Variants in ASPRV1 observed in about 807,000 individuals in gnomAD.
ASPRV1 encodes the protein aspartic peptidase retroviral like 1.
ASPRV1 carries 7 observed loss-of-function variants against 11.0 expected under a neutral mutation model. The ratio of observed to expected loss-of-function variants is 0.64; its 90% CI spans 0.36 to 1.20. The LOEUF is 1.20. ASPRV1 is among the 50% of genes most tolerant of loss of function. ASPRV1 has a pLI of 0.02. For synonymous variants in ASPRV1, 136 were observed against 138.4 expected (o/e 0.98, Z 0.12); for missense variants, 299 against 320.0 (o/e 0.93, Z 0.50).
the ASPRV1 span, among the ~76,000 whole-genome samples, chr2:69,983,389 C>A: frequency 1.3e-5 from 2 of 152,206 alleles, no homozygotes; most frequent in Admixed American, 1.3e-4. Flanking sequence ...GGGATTTCAG[C>A]ACTGGCCTGA....
At chr2:69,950,449 T>G in the ASPRV1 span, among the ~76,000 whole-genome samples, 5 of 152,252 alleles carry the variant, frequency 3.3e-5, no homozygotes, top group Admixed American at 3.3e-4. Flanking sequence ...CATTCAACAC[T>G]GTGACGTTCG....
chr2:69,996,137 T>C, the ASPRV1 span, among the ~76,000 whole-genome samples: 1 of 147,304 alleles, frequency 6.8e-6, no homozygotes, highest in Non-Finnish European at 1.5e-5. Context: ...TCCCAGCACT[T>C]TGGGATGCCA....
chr2:69,968,024 G>A, the ASPRV1 span, among the ~76,000 whole-genome samples: 1 of 152,160 alleles, frequency 6.6e-6, no homozygotes, highest in Non-Finnish European at 1.5e-5. Flanking sequence ...GAAGGTTGCA[G>A]TGAGCTAAGA....
At chr2:70,040,574 G>C in the ASPRV1 span, among the ~76,000 whole-genome samples, 36 of 152,088 alleles carry the variant, frequency 2.4e-4, no homozygotes, top group Non-Finnish European at 5.0e-4. Flanking sequence ...GGTGGCTCAC[G>C]CCTGTAATCC....
the ASPRV1 span, chr2:70,055,687 T>C: frequency 4.6e-5 from 7 of 152,222 alleles, no homozygotes; most frequent in East Asian, 1.4e-3. Flanking sequence ...CAAACCACCA[T>C]GGCACACGTA....
the ASPRV1 span, among the ~76,000 whole-genome samples, chr2:69,979,277 C>A: frequency 6.6e-6 from 1 of 152,200 alleles, no homozygotes; most frequent in Non-Finnish European, 1.5e-5. Flanking sequence ...TCATGATCCA[C>A]CCGCCTCGGC....
chr2:69,998,237 G>T, the ASPRV1 span: 3 of 152,070 alleles, frequency 2.0e-5, no homozygotes, highest in Non-Finnish European at 4.4e-5. Flanking sequence ...CTCTTGATCA[G>T]GGTAGTGGGG....
the ASPRV1 span, among the ~76,000 whole-genome samples, chr2:70,000,336 C>CCACACA: frequency 1.2e-3 from 152 of 126,346 alleles, no homozygotes; most frequent in Non-Finnish European, 1.8e-3. Flanking sequence ...AAAAAAAAAA[C>CCACACA]CACACACACA....
At chr2:69,979,284 C>T in the ASPRV1 span, among the ~76,000 whole-genome samples, 5 of 152,174 alleles carry the variant, frequency 3.3e-5, no homozygotes, top group South Asian at 2.1e-4. Context: ...CCACCCGCCT[C>T]GGCCTCCCAA....
At chr2:70,075,111 ATC>A in the ASPRV1 span, 525 of 145,274 alleles carry the variant, frequency 3.6e-3, 2 homozygotes, top group Middle Eastern at 7.0e-3. Context: ...GCAAGATAAC[ATC>A]TTTTTTTTTT....
chr2:69,978,747 C>T, the ASPRV1 span, among the ~76,000 whole-genome samples: 26 of 152,324 alleles, frequency 1.7e-4, no homozygotes, highest in East Asian at 4.6e-3. Context: ...AAGGTGGTAG[C>T]AGCCCGTGGA....
chr2:69,964,925 GC>G, upstream of ASPRV1, among the ~76,000 whole-genome samples: 1 of 151,862 alleles, frequency 6.6e-6, no homozygotes, highest in Admixed American at 6.6e-5. Context: ...TCTCCCTCAG[GC>G]CAGTTGGGCA....
the ASPRV1 span, chr2:70,086,962 G>C: frequency 1.3e-5 from 2 of 152,270 alleles, no homozygotes; most frequent in Non-Finnish European, 2.9e-5. Context: ...GGCCCCACGT[G>C]CCCGCCCGCG....
At chr2:69,983,885 C>G in the ASPRV1 span, among the ~76,000 whole-genome samples, 12 of 152,330 alleles carry the variant, frequency 7.9e-5, no homozygotes, top group Admixed American at 5.2e-4. Flanking sequence ...GTAAGACTGT[C>G]TGAGAGATTT....
the ASPRV1 span, among the ~76,000 whole-genome samples, chr2:70,083,915 G>A: frequency 2.6e-5 from 4 of 152,176 alleles, no homozygotes; most frequent in East Asian, 1.9e-4. Context: ...GCTAGGACTA[G>A]GGCCCAGAGC....
At chr2:69,968,869 T>C in the ASPRV1 span, among the ~76,000 whole-genome samples, 1 of 152,176 alleles carries the variant, frequency 6.6e-6, no homozygotes. Flanking sequence ...CCCTGCAGCA[T>C]GGGCGTCTCC....
rs779269238 is a variant in ASPRV1, at chr2:69,960,852, G to C, written c.585C>G (p.Ala195=). The change falls in exon 1 of 1, where the codon GCC becomes GCG. Residue 195 remains alanine, a synonymous_variant. Transcript: ENST00000320256. ...CATCAGTGCCAATGATGGCTTCCTC[G>C]GCACTCGCATTGGCCACTAGGAACT... ...KAQFLVANAS[A]EEAIIGTDVL... 1 of 1,614,062 alleles carries C rather than the reference G, an allele frequency of 6.2e-7. No individual in the cohort carries two copies. The highest frequency in any genetic ancestry group is 1.1e-5 in the South Asian group (1 of 91,072).
chr2:70,043,389 G>A, the ASPRV1 span, among the ~76,000 whole-genome samples: 6 of 152,188 alleles, frequency 3.9e-5, no homozygotes, highest in East Asian at 1.2e-3. Flanking sequence ...CTGCACTCCA[G>A]CCTGGGTGGC....
downstream of ASPRV1, among the ~76,000 whole-genome samples, chr2:69,957,655 A>G (rs1173731765): frequency 1.3e-5 from 2 of 151,682 alleles, no homozygotes; most frequent in Non-Finnish European, 2.9e-5. Context: ...GGGGATGGAG[A>G]GTCTGTATTC....
Sources: gnomAD v4.1 joint callset for allele counts (sites outside exome capture counted in the v4.1 genomes callset) on GRCh38, gnomAD v4.1.1 for gene constraint, MANE v1.5 for transcripts, NCBI Gene and HGNC (gene_info 2026-07-23, HGNC 2026-07-21) for gene names.